HIGD1B: variants seen among roughly 807,000 people sequenced by gnomAD.
HIGD1B encodes HIG1 hypoxia inducible domain family member 1B, also known as HIG1 domain family member 1B.
HIGD1B carries 9 observed loss-of-function variants against 8.8 expected under a neutral mutation model. That is an observed-to-expected ratio of 1.02 (90% CI 0.62 to 1.78). The LOEUF (loss-of-function observed/expected upper bound fraction) is 1.78, where lower values mean the gene tolerates loss of function less well. Among genes scored for constraint, HIGD1B ranks in the 40% most tolerant of loss-of-function variants. The pLI is 0.00. For missense variants in HIGD1B, 126 were observed against 111.8 expected, an observed-to-expected ratio of 1.13 and a Z score of -0.57; for synonymous variants, 47 against 38.8, an observed-to-expected ratio of 1.21 and a Z score of -0.78.
chr17:44,845,619 AAAAAC>A (rs983763020), upstream of HIGD1B, among the ~76,000 whole-genome samples: 2 of 151,982 alleles, frequency 1.3e-5, no homozygotes, highest in Admixed American at 6.6e-5. Flanking sequence ...ACCCCATCTC[AAAAAC>A]AAAACAAAAC....
Position 44,848,149 on chromosome 17 carries a change from G to T in HIGD1B, c.-4G>T, listed in dbSNP as rs752579954. The stretch of plus-strand genomic sequence containing the variant: ...CTCAGCTGCTTACATCCAGGTCCAG[G>T]ATTATGTCTGCTAACAGACGCTGGT... On this transcript the variant is annotated 5_prime_UTR_variant, in exon 1 of 3. Transcript: ENST00000253410. 1.7e-5 allele frequency: 15 copies of T among 872,068 alleles called. No individual in the cohort carries two copies. The African/African-American group carries it at 2.4e-4, about 14-fold the overall frequency. The allele number at this position is 872,068 out of a possible 1,614,324, so 54.0% of individuals were successfully genotyped here. A position where few individuals can be genotyped will look rare whatever the true frequency, so the allele number is the denominator to read the frequency against.
upstream of HIGD1B, among the ~76,000 whole-genome samples, chr17:44,845,250 C>T (rs1597775756): frequency 1.6e-5 from 2 of 124,316 alleles, no homozygotes; most frequent in Admixed American, 8.1e-5. Context: ...AAGAGTGAAA[C>T]TCCGTCTCAA....
intron 1 of HIGD1B, 67 bp from the exon 2 acceptor site, chr17:44,849,184 AAGG>A: frequency 6.5e-7 from 1 of 1,545,530 alleles, no homozygotes; most frequent in African/African-American, 1.4e-5. Flanking sequence ...CCTGCCTGGT[AAGG>A]TATCTCTCAT....
intron 2 of HIGD1B, 100 bp downstream of exon 2, chr17:44,849,488 G>GTGAACCAC: frequency 7.0e-7 from 1 of 1,429,520 alleles, no homozygotes; most frequent in Non-Finnish European, 9.5e-7. Context: ...TTGGCTGGGC[G>GTGAACCAC]CGGTGGTTCA....
At chr17:44,848,396 G>C in intron 1 of HIGD1B, 144 bp downstream of exon 1, 1 of 614,176 alleles carries the variant, frequency 1.6e-6, no homozygotes, top group Non-Finnish European at 2.9e-6. Flanking sequence ...AAGGTGCCAA[G>C]GGGCAAACCC....
intron 1 of HIGD1B, among the ~76,000 whole-genome samples, chr17:44,848,845 G>A (rs2050366443): frequency 6.6e-6 from 1 of 151,900 alleles, no homozygotes; most frequent in Non-Finnish European, 1.5e-5. Flanking sequence ...GCACAGTCTC[G>A]GTTCACCACA....
chr17:44,849,011 G>T, intron 1 of HIGD1B: 1 of 408,306 alleles, frequency 2.4e-6, no homozygotes, highest in South Asian at 3.5e-5. Flanking sequence ...CCAACTTCAG[G>T]TGATCCACCT....
chr17:44,850,134 G>C (rs1036972002), intron 2 of HIGD1B, 198 bp from the exon 3 acceptor site: 3 of 539,490 alleles, frequency 5.6e-6, no homozygotes, highest in African/African-American at 1.9e-5. Context: ...AAAGTGTTTC[G>C]TGAACTGTCA....
intron 1 of HIGD1B, 122 bp downstream of exon 1, chr17:44,848,374 G>A: frequency 1.5e-6 from 1 of 645,672 alleles, no homozygotes; most frequent in Non-Finnish European, 2.8e-6. Context: ...CGGAACAAGG[G>A]AAACAACAGC....
chr17:44,848,634 G>T (rs2050359116), intron 1 of HIGD1B, among the ~76,000 whole-genome samples: 1 of 151,834 alleles, frequency 6.6e-6, no homozygotes, highest in South Asian at 2.1e-4. Context: ...AATTGGTGGG[G>T]AGGGGCTGTG....
At chr17:44,849,758 CAAAAAAAAAA>C (rs61617877) in intron 2 of HIGD1B, among the ~76,000 whole-genome samples, 18 of 52,556 alleles carry the variant, frequency 3.4e-4, no homozygotes, top group Middle Eastern at 0.012. Context: ...GACTCTGTCT[CAAAAAAAAAA>C]AAAAAAAAAA....
Position 44,848,108 on chromosome 17 carries a change from G to C in HIGD1B, c.-45G>C. 1.2e-6 allele frequency: 1 copy of C among 850,368 alleles called. No homozygotes were observed. The highest frequency in any genetic ancestry group is 2.1e-6 in the Non-Finnish European group (1 of 485,978). The allele number at this position is 850,368 out of a possible 1,614,324, so 52.7% of individuals were successfully genotyped here. A position where few individuals can be genotyped will look rare whatever the true frequency, so the allele number is the denominator to read the frequency against. ...GTGGAGTGCCTCTCTCTAGGACGGG[G>C]CTGCAGCATAGGAGTCTCAGCTGCT... On this transcript the variant is annotated 5_prime_UTR_variant, in exon 1 of 3. Transcript: ENST00000253410.
At chr17:44,849,193 C>T in intron 1 of HIGD1B, 61 bp from the exon 2 acceptor site, 1 of 1,583,522 alleles carries the variant, frequency 6.3e-7, no homozygotes. Context: ...TAAGGTATCT[C>T]TCATCAGGGG....
intron 2 of HIGD1B, among the ~76,000 whole-genome samples, chr17:44,849,630 G>A (rs991475587): frequency 6.6e-6 from 1 of 151,896 alleles, no homozygotes; most frequent in Non-Finnish European, 1.5e-5. Flanking sequence ...CGTGGCGGCA[G>A]GTGCCTTTAG....
At position 44,847,974 on chromosome 17, in the gene HIGD1B, C is replaced by A; in HGVS notation, c.-179C>A. The A allele has an allele frequency of 3.9e-6, 2 of 518,770 alleles. No homozygotes were observed. The highest frequency in any genetic ancestry group is 3.4e-6 in the Non-Finnish European group (1 of 291,300). 32.1% of individuals were successfully genotyped at this position (518,770 alleles called of 1,614,324 possible). A position where few individuals can be genotyped will look rare whatever the true frequency, so the allele number is the denominator to read the frequency against. On this transcript the variant is annotated 5_prime_UTR_variant, in exon 1 of 3. An upstream open reading frame in the 5' UTR gains an earlier in-frame stop. Coordinates refer to ENST00000253410, the MANE Select transcript of HIGD1B (RefSeq NM_016438.4). ...TGGCCCAGCCACCTGAGATGGGATA[C>A]CTGGGAGGGACATCTTTTCAAGTAG...
upstream of HIGD1B, among the ~76,000 whole-genome samples, chr17:44,845,935 A>G (rs916357221): frequency 6.6e-6 from 1 of 151,956 alleles, no homozygotes; most frequent in Non-Finnish European, 1.5e-5. Context: ...CATCTCGGAA[A>G]AAAAAAAAAA....
At chr17:44,850,178 G>GC in intron 2 of HIGD1B, 154 bp from the exon 3 acceptor site, 1 of 593,804 alleles carries the variant, frequency 1.7e-6, no homozygotes, top group East Asian at 2.8e-5. Context: ...GTGGTCAGAT[G>GC]CTTGAAGCAG....
chr17:44,850,153 G>GT lies in HIGD1B; in HGVS notation c.236-176dup, dbSNP rs2050414261. On this transcript the variant is annotated intron_variant, in intron 2 of 2. Coordinates refer to ENST00000253410, the MANE Select transcript of HIGD1B (RefSeq NM_016438.4). ...TGTTTCGTGAACTGTCAGATAAGTG[G>GT]TTTCCCCAGGTTGTGTGGTCAGATG... The GT allele has an allele frequency of 5.3e-6, 3 of 562,428 alleles. No individual in the cohort carries two copies. The East Asian group carries it at 8.4e-5, about 16-fold the overall frequency. 34.8% of individuals were successfully genotyped at this position (562,428 alleles called of 1,614,324 possible). A position where few individuals can be genotyped will look rare whatever the true frequency, so the allele number is the denominator to read the frequency against.
upstream of HIGD1B, chr17:44,847,796 C>T (rs1432877582): frequency 5.2e-6 from 1 of 191,892 alleles, no homozygotes; most frequent in Non-Finnish European, 1.1e-5. Flanking sequence ...TCTCCCACCA[C>T]CATCTGTGGA....
Sources: allele counts gnomAD v4.1 joint callset (sites outside exome capture counted in the v4.1 genomes callset), GRCh38; gene constraint gnomAD v4.1.1; transcripts MANE v1.5; gene names NCBI Gene and HGNC (gene_info 2026-07-23, HGNC 2026-07-21).